DPP10: variants seen among roughly 807,000 people sequenced by gnomAD.
The protein encoded by DPP10 is dipeptidyl peptidase like 10, also known as inactive dipeptidyl peptidase 10.
In DPP10, 33 loss-of-function variants were observed where a neutral mutation model predicts 120.9. The ratio of observed to expected loss-of-function variants is 0.27; its 90% CI spans 0.21 to 0.37. DPP10 has a LOEUF of 0.37. Among genes scored for constraint, DPP10 ranks in the 10% least tolerant of loss-of-function variants. The pLI is 1.00. For missense variants in DPP10, 816 were observed against 942.8 expected (o/e 0.87, Z 1.76); for synonymous variants, 337 against 326.1 (o/e 1.03, Z -0.36).
intron 1 of DPP10, among the ~76,000 whole-genome samples, chr2:114,863,917 G>A (rs979653811): frequency 6.6e-6 from 1 of 152,138 alleles, no homozygotes. Context: ...TCCAAGTCGA[G>A]CCTGTGTCAT....
At chr2:114,853,583 C>A (rs1416824173) in intron 1 of DPP10, among the ~76,000 whole-genome samples, 1 of 152,124 alleles carries the variant, frequency 6.6e-6, no homozygotes, top group African/African-American at 2.4e-5. Context: ...AGAATAAGGT[C>A]TAATTTACCT....
chr2:115,318,563 C>T (rs1251263627), intron 2 of DPP10, among the ~76,000 whole-genome samples: 2 of 151,904 alleles, frequency 1.3e-5, no homozygotes, highest in Non-Finnish European at 2.9e-5. Flanking sequence ...TATGGAATGT[C>T]TTTTCATTCT....
chr2:114,545,679 A>G (rs1483030940), intron 1 of DPP10, among the ~76,000 whole-genome samples: 2 of 151,984 alleles, frequency 1.3e-5, no homozygotes, highest in Non-Finnish European at 2.9e-5. Flanking sequence ...AGTTTTACCC[A>G]CTCTATAAAG....
chr2:115,725,216 G>A (rs1041776896), intron 7 of DPP10, among the ~76,000 whole-genome samples: 6 of 152,138 alleles, frequency 3.9e-5, no homozygotes, highest in African/African-American at 1.2e-4. Flanking sequence ...TTGTCATTGG[G>A]GTCCAGTTTA....
At chr2:115,293,983 A>C (rs1295809316) in intron 1 of DPP10, among the ~76,000 whole-genome samples, 1 of 152,124 alleles carries the variant, frequency 6.6e-6, no homozygotes, top group African/African-American at 2.4e-5. Context: ...AAGACAAGAA[A>C]TATCTTTCTT....
intron 1 of DPP10, among the ~76,000 whole-genome samples, chr2:115,284,847 C>A (rs1416385882): frequency 6.6e-6 from 1 of 151,980 alleles, no homozygotes; most frequent in Non-Finnish European, 1.5e-5. Flanking sequence ...ATTATTGGCC[C>A]TTATTCTTCT....
At position 115,099,217 on chromosome 2, in the gene DPP10, G is replaced by C. The variant is rs184228355; in HGVS notation, c.61-210022G>C. Among the ~76,000 whole-genome samples the C allele has an allele frequency of 9.8e-3, 1,498 of 152,270 alleles. 13 individuals carry two copies. The highest frequency in any genetic ancestry group is 0.015 in the Non-Finnish European group (1,054 of 68,012). ...TAATCCCAGCTACTCAGGAGGCTGA[G>C]GCAGGAGAATCACTTGAACCCAGGA... On this transcript the variant is annotated intron_variant, in intron 1 of 25. Coordinates refer to ENST00000410059, the MANE Select transcript of DPP10 (RefSeq NM_020868.6).
intron 24 of DPP10, among the ~76,000 whole-genome samples, chr2:115,839,906 C>T (rs2150132344): frequency 6.6e-6 from 1 of 152,106 alleles, no homozygotes; most frequent in Admixed American, 6.5e-5. Context: ...AACCAGTATG[C>T]TCTATATTAA....
At chr2:114,838,402 C>G (rs1455889663) in intron 1 of DPP10, among the ~76,000 whole-genome samples, 1 of 152,092 alleles carries the variant, frequency 6.6e-6, no homozygotes, top group Non-Finnish European at 1.5e-5. Context: ...CAACTGCCAC[C>G]TCCCGGATTT....
rs142441605 is a variant in DPP10, at chr2:114,836,253, GT to G, written c.60+393417del. On this transcript the variant is annotated intron_variant, in intron 1 of 25. Transcript: ENST00000410059. ...TGTGACCCATGTGTATTCTGTTTTA[GT>G]TATTTATCAGGGGAAATTCAGCCAG... Among the ~76,000 whole-genome samples the G allele has an allele frequency of 5.7e-3, 863 of 152,224 alleles. 6 individuals are homozygous for G. The highest frequency in any genetic ancestry group is 0.019 in the African/African-American group (804 of 41,522).
chr2:115,334,169 A>G (rs537789303), intron 2 of DPP10, among the ~76,000 whole-genome samples: 2 of 147,756 alleles, frequency 1.4e-5, no homozygotes, highest in South Asian at 4.3e-4. Flanking sequence ...CCTCAGGAAG[A>G]GCAACTCCAA....
intron 1 of DPP10, among the ~76,000 whole-genome samples, chr2:114,986,085 G>C (rs552658473): frequency 2.0e-5 from 3 of 152,118 alleles, no homozygotes; most frequent in Non-Finnish European, 4.4e-5. Flanking sequence ...GTGTAACAAC[G>C]TTTGAAATAA....
At chr2:115,155,357 G>T (rs1212365765) in intron 1 of DPP10, among the ~76,000 whole-genome samples, 2 of 152,128 alleles carry the variant, frequency 1.3e-5, no homozygotes, top group Non-Finnish European at 2.9e-5. Flanking sequence ...AGTTATATTC[G>T]GGAAGATGAA....
At chr2:115,766,308 G>GTT (rs1680722727) in intron 12 of DPP10, among the ~76,000 whole-genome samples, 1 of 62,476 alleles carries the variant, frequency 1.6e-5, no homozygotes, top group African/African-American at 5.2e-5. Context: ...GTGTGTGTGT[G>GTT]TGTATATATA....
intron 5 of DPP10, among the ~76,000 whole-genome samples, chr2:115,671,947 A>C (rs1188937147): frequency 1.3e-5 from 2 of 152,158 alleles, no homozygotes; most frequent in Admixed American, 6.5e-5. Context: ...GATATGTAAA[A>C]CAATATATTT....
intron 2 of DPP10, among the ~76,000 whole-genome samples, chr2:115,309,622 GACTT>G (rs2061499896): frequency 1.3e-5 from 2 of 152,166 alleles, no homozygotes; most frequent in South Asian, 2.1e-4. Context: ...GCCACTTACA[GACTT>G]ACTATGTGTT....
chr2:115,051,279 A>G (rs1705461169), intron 1 of DPP10, among the ~76,000 whole-genome samples: 1 of 152,224 alleles, frequency 6.6e-6, no homozygotes, highest in Non-Finnish European at 1.5e-5. Flanking sequence ...AATGATAACA[A>G]TGTATCACCA....
At chr2:114,541,865 T>G (rs1161698772) in intron 1 of DPP10, among the ~76,000 whole-genome samples, 1 of 152,032 alleles carries the variant, frequency 6.6e-6, no homozygotes, top group Non-Finnish European at 1.5e-5. Context: ...TAGAAGTGAA[T>G]AGTTGCTTTT....
At chr2:115,773,649 T>C (rs1681739744) in intron 13 of DPP10, among the ~76,000 whole-genome samples, 1 of 152,138 alleles carries the variant, frequency 6.6e-6, no homozygotes, top group Non-Finnish European at 1.5e-5. Context: ...AGAAATGTTA[T>C]TGTAGAGAAA....
Sources: gnomAD v4.1 joint callset for allele counts (sites outside exome capture counted in the v4.1 genomes callset) on GRCh38, gnomAD v4.1.1 for gene constraint, MANE v1.5 for transcripts, NCBI Gene and HGNC (gene_info 2026-07-23, HGNC 2026-07-21) for gene names.